ITFG1: variants seen among roughly 807,000 people sequenced by gnomAD.
ITFG1 encodes integrin alpha FG-GAP repeat containing 1.
ITFG1 carries 34 observed loss-of-function variants against 81.8 expected under a neutral mutation model. The ratio of observed to expected loss-of-function variants is 0.42; its 90% CI spans 0.32 to 0.55. The LOEUF (loss-of-function observed/expected upper bound fraction) is 0.55, where lower values mean the gene tolerates loss of function less well. Among genes scored for constraint, ITFG1 ranks in the 20% least tolerant of loss-of-function variants. ITFG1 has a pLI of 0.17. For missense variants in ITFG1, 672 were observed against 755.4 expected, an observed-to-expected ratio of 0.89 and a Z score of 1.29; for synonymous variants, 285 against 270.6, an observed-to-expected ratio of 1.05 and a Z score of -0.52.
At chr16:47,400,489 C>CA (rs898108287) in intron 6 of ITFG1, among the ~76,000 whole-genome samples, 5 of 150,138 alleles carry the variant, frequency 3.3e-5, no homozygotes, top group African/African-American at 1.2e-4. Flanking sequence ...CACACACACA[C>CA]CACTAGACAC....
At chr16:47,366,574 T>G (rs1236362000) in intron 7 of ITFG1, among the ~76,000 whole-genome samples, 1 of 152,204 alleles carries the variant, frequency 6.6e-6, no homozygotes, top group African/African-American at 2.4e-5. Flanking sequence ...TAATATGCAT[T>G]TCTTTAAATT....
intron 10 of ITFG1, among the ~76,000 whole-genome samples, chr16:47,295,933 T>G (rs561298119): frequency 6.9e-4 from 105 of 152,338 alleles, no homozygotes; most frequent in Non-Finnish European, 1.3e-3. Context: ...GGCCTCACTC[T>G]GTTGCCCAGG....
At chr16:47,187,135 T>C (rs1965229751) in intron 14 of ITFG1, among the ~76,000 whole-genome samples, 2 of 152,116 alleles carry the variant, frequency 1.3e-5, no homozygotes, top group African/African-American at 4.8e-5. Flanking sequence ...TGGAAGAACA[T>C]TCCATGCTCA....
At chr16:47,403,228 CTTT>C (rs77676044) in intron 6 of ITFG1, among the ~76,000 whole-genome samples, 11 of 139,222 alleles carry the variant, frequency 7.9e-5, no homozygotes, top group Non-Finnish European at 6.3e-5. Context: ...GGTTACCTAC[CTTT>C]TTTTTTTTTT....
intron 6 of ITFG1, among the ~76,000 whole-genome samples, chr16:47,412,864 C>T (rs564439143): frequency 2.3e-4 from 35 of 152,188 alleles, no homozygotes; most frequent in Admixed American, 2.1e-3. Context: ...GAGAAACATG[C>T]GCTTTTATAA....
chr16:47,460,591 G>C (rs958845415), intron 1 of ITFG1, among the ~76,000 whole-genome samples: 4 of 152,116 alleles, frequency 2.6e-5, no homozygotes, highest in African/African-American at 9.7e-5. Flanking sequence ...AGACTTCTTA[G>C]GAACAAAACT....
intron 14 of ITFG1, among the ~76,000 whole-genome samples, chr16:47,203,007 C>T (rs1229073135): frequency 6.6e-6 from 1 of 151,820 alleles, no homozygotes; most frequent in Admixed American, 6.6e-5. Context: ...GGGTATATAC[C>T]CAAAAGAACT....
At chr16:47,278,134 C>G (rs1233564490) in intron 10 of ITFG1, among the ~76,000 whole-genome samples, 1 of 152,140 alleles carries the variant, frequency 6.6e-6, no homozygotes, top group Non-Finnish European at 1.5e-5. Flanking sequence ...AGGTCTGCTT[C>G]CAGTCTTTAT....
intron 14 of ITFG1, among the ~76,000 whole-genome samples, chr16:47,175,023 A>G (rs1266148197): frequency 2.6e-5 from 4 of 152,248 alleles, no homozygotes; most frequent in Non-Finnish European, 5.9e-5. Context: ...TGACAGTAAC[A>G]ATATCTGAAA....
At chr16:47,413,899 C>A (rs927583085) in intron 6 of ITFG1, among the ~76,000 whole-genome samples, 2 of 152,120 alleles carry the variant, frequency 1.3e-5, no homozygotes, top group African/African-American at 4.8e-5. Context: ...TGGCTCACTG[C>A]AACCTCTGCC....
intron 8 of ITFG1, among the ~76,000 whole-genome samples, chr16:47,321,355 G>A (rs961327682): frequency 2.0e-5 from 3 of 152,116 alleles, no homozygotes; most frequent in Non-Finnish European, 4.4e-5. Flanking sequence ...AGGGATATAT[G>A]ACAGATAATG....
intron 6 of ITFG1, among the ~76,000 whole-genome samples, chr16:47,395,303 C>G (rs532475604): frequency 6.6e-6 from 1 of 152,058 alleles, no homozygotes; most frequent in Non-Finnish European, 1.5e-5. Context: ...ACAATATATA[C>G]AGCTCATTAA....
intron 8 of ITFG1, among the ~76,000 whole-genome samples, chr16:47,359,638 T>C (rs1968084303): frequency 6.6e-6 from 1 of 152,244 alleles, no homozygotes; most frequent in Non-Finnish European, 1.5e-5. Context: ...TTGTTACCTT[T>C]GTCCACAAAG....
rs367653443 is a variant in ITFG1, at chr16:47,392,727, G to C, written c.656-16787C>G. On this transcript the variant is annotated intron_variant, in intron 6 of 17. Transcript: ENST00000320640. ...AAAGGGTGAAATGAAATAATGTATG[G>C]AGACTGTCTAACACAATGCTCTGTT... Among the ~76,000 whole-genome samples the C allele has an allele frequency of 4.3e-4, 66 of 152,294 alleles. No individual in the cohort carries two copies. In the South Asian group the frequency reaches 0.013, roughly 30 times the overall value.
chr16:47,307,763 C>G (rs1967193317), intron 10 of ITFG1, among the ~76,000 whole-genome samples: 1 of 152,016 alleles, frequency 6.6e-6, no homozygotes, highest in Non-Finnish European at 1.5e-5. Flanking sequence ...GCACAGTACC[C>G]CATTGTTAGT....
At chr16:47,160,174 G>A (rs1046429824) in intron 16 of ITFG1, among the ~76,000 whole-genome samples, 12 of 142,588 alleles carry the variant, frequency 8.4e-5, no homozygotes, top group African/African-American at 3.1e-4. Context: ...AATCAGGAAT[G>A]TAAGTGTTTT....
At chr16:47,352,027 T>G (rs1386558824) in intron 8 of ITFG1, among the ~76,000 whole-genome samples, 1 of 152,162 alleles carries the variant, frequency 6.6e-6, no homozygotes, top group East Asian at 1.9e-4. Context: ...TGAAACTGGA[T>G]CCCTTCCTTA....
chr16:47,328,248 A>C (rs74904607), intron 8 of ITFG1, among the ~76,000 whole-genome samples: 4 of 152,110 alleles, frequency 2.6e-5, no homozygotes, highest in African/African-American at 9.7e-5. Flanking sequence ...ACATGTTCTC[A>C]CTCATAGGTG....
At chr16:47,177,945 T>C (rs932024001) in intron 14 of ITFG1, among the ~76,000 whole-genome samples, 4 of 152,224 alleles carry the variant, frequency 2.6e-5, no homozygotes, top group Non-Finnish European at 5.9e-5. Context: ...TACAATATCA[T>C]AATTTGACAC....
Sources: allele counts gnomAD v4.1 joint callset (sites outside exome capture counted in the v4.1 genomes callset), GRCh38; gene constraint gnomAD v4.1.1; transcripts MANE v1.5; gene names NCBI Gene and HGNC (gene_info 2026-07-23, HGNC 2026-07-21).